The following SOX5 variants were observed in gnomAD, a reference collection of about 807,000 sequenced individuals.
SOX5 encodes SRY-box transcription factor 5.
SOX5 carries 9 observed loss-of-function variants against 92.0 expected under a neutral mutation model. That is an observed-to-expected ratio of 0.10 (90% CI 0.06 to 0.17). SOX5 has a LOEUF of 0.17. Among genes scored for constraint, SOX5 ranks in the 10% least tolerant of loss-of-function variants. The probability of loss-of-function intolerance (pLI) is 1.00; values close to 1 mark genes in which losing one functional copy is unlikely to be tolerated. For synonymous variants in SOX5, 344 were observed against 336.3 expected, an observed-to-expected ratio of 1.02 and a Z score of -0.25; for missense variants, 642 against 944.5, an observed-to-expected ratio of 0.68 and a Z score of 4.20.
At chr12:23,675,106 G>A (rs1164153051) in intron 6 of SOX5, among the ~76,000 whole-genome samples, 1 of 152,164 alleles carries the variant, frequency 6.6e-6, no homozygotes. Context: ...TAAAAAGTAT[G>A]TGATATTCAC....
At chr12:24,523,191 G>A (rs1205107708) in intron 1 of SOX5, among the ~76,000 whole-genome samples, 1 of 152,038 alleles carries the variant, frequency 6.6e-6, no homozygotes, top group African/African-American at 2.4e-5. Context: ...AAATAAGGAG[G>A]TAAAAGACTC....
chr12:24,002,266 C>T (rs562638254), intron 4 of SOX5, among the ~76,000 whole-genome samples: 6 of 151,812 alleles, frequency 4.0e-5, no homozygotes, highest in South Asian at 2.1e-4. Flanking sequence ...ATCAATGAAA[C>T]GTCAGTTGGT....
chr12:24,511,573 G>A lies in SOX5; in HGVS notation c.-251+50756C>T, dbSNP rs553676663. Reference sequence around the variant, plus strand: ...CTAAGCACCTAGCAGGAGCACTTCTGATTCTTATCATAAATTTTAGTGAAT... The same window carrying A: ...CTAAGCACCTAGCAGGAGCACTTCTAATTCTTATCATAAATTTTAGTGAAT... On this transcript the variant is annotated intron_variant, in intron 1 of 4. Coordinates refer to the SOX5 transcript ENST00000446891. Among the ~76,000 whole-genome samples, 10 of 152,270 alleles carry A rather than the reference G, an allele frequency of 6.6e-5. No individual in the cohort carries two copies. The South Asian group carries it at 2.1e-3, about 32-fold the overall frequency.
intron 1 of SOX5, among the ~76,000 whole-genome samples, chr12:24,375,195 G>A (rs1042223194): frequency 1.3e-5 from 2 of 151,312 alleles, no homozygotes; most frequent in East Asian, 2.0e-4. Flanking sequence ...GGATGGTCTC[G>A]ATCACCTGAC....
At chr12:24,081,641 G>T (rs1246321905) in intron 4 of SOX5, among the ~76,000 whole-genome samples, 4 of 151,828 alleles carry the variant, frequency 2.6e-5, no homozygotes, top group Non-Finnish European at 5.9e-5. Context: ...AGAGCCTTTT[G>T]TTTCATGGAA....
intron 5 of SOX5, among the ~76,000 whole-genome samples, chr12:23,738,146 A>C (rs1254797574): frequency 3.3e-5 from 5 of 152,324 alleles, no homozygotes; most frequent in African/African-American, 1.2e-4. Flanking sequence ...TGAATGTGGA[A>C]TGGAGCTCAG....
chr12:23,568,261 AC>A (rs1035892671), intron 10 of SOX5, among the ~76,000 whole-genome samples: 37 of 152,188 alleles, frequency 2.4e-4, no homozygotes, highest in Non-Finnish European at 5.0e-4. Flanking sequence ...GAGGCATGGA[AC>A]AGGTTCTCAT....
chr12:23,968,113 C>T (rs554726671), intron 4 of SOX5, among the ~76,000 whole-genome samples: 6 of 152,270 alleles, frequency 3.9e-5, no homozygotes, highest in East Asian at 1.9e-4. Flanking sequence ...TGCCAGAATG[C>T]GGACTCTACT....
chr12:24,353,954 A>G (rs1045437055), intron 2 of SOX5, among the ~76,000 whole-genome samples: 1 of 152,180 alleles, frequency 6.6e-6, no homozygotes, highest in Non-Finnish European at 1.5e-5. Flanking sequence ...ATTATTCTCA[A>G]CAAACACTTG....
In SOX5 at chr12:24,480,391, G is replaced by A. The variant is rs138157106; in HGVS notation, c.-251+81938C>T. 2.4e-3 allele frequency among the ~76,000 whole-genome samples: 359 copies of A among 152,204 alleles called. 2 individuals are homozygous for A. Among genetic ancestry groups the A allele is most frequent in the African/African-American group, 8.2e-3 (340 of 41,544 alleles). The stretch of plus-strand genomic sequence containing the variant: ...AATACCCCACAAGCAGGCAGCCAAA[G>A]CAAAAAAGAACAAATGAGATCGCAA... On this transcript the variant is annotated intron_variant, in intron 1 of 4. Transcript: ENST00000446891.
At chr12:24,352,310 G>A (rs918783749) in intron 2 of SOX5, among the ~76,000 whole-genome samples, 28 of 152,202 alleles carry the variant, frequency 1.8e-4, no homozygotes, top group African/African-American at 6.3e-4. Context: ...AAAATTTTGG[G>A]AATAGATTAT....
At chr12:23,669,380 G>C (rs924766850) in intron 6 of SOX5, among the ~76,000 whole-genome samples, 1 of 152,038 alleles carries the variant, frequency 6.6e-6, no homozygotes, top group Non-Finnish European at 1.5e-5. Context: ...ATGTGAGGGA[G>C]ACACTACCAG....
At chr12:24,241,052 C>T (rs540553027) in intron 3 of SOX5, among the ~76,000 whole-genome samples, 3 of 151,950 alleles carry the variant, frequency 2.0e-5, no homozygotes, top group Non-Finnish European at 4.4e-5. Context: ...TATGAATTCC[C>T]TCTCTCAGTT....
chr12:24,546,136 G>T (rs909040029), intron 1 of SOX5, among the ~76,000 whole-genome samples: 3 of 152,166 alleles, frequency 2.0e-5, no homozygotes, highest in Non-Finnish European at 4.4e-5. Context: ...ATTAACTAAA[G>T]TAGCAACACA....
intron 2 of SOX5, among the ~76,000 whole-genome samples, chr12:24,323,983 G>T (rs1346794495): frequency 6.6e-6 from 1 of 152,160 alleles, no homozygotes; most frequent in Non-Finnish European, 1.5e-5. Flanking sequence ...AAATGATTAT[G>T]TATAAACAAT....
chr12:24,427,006 T>G (rs1966840096), intron 1 of SOX5, among the ~76,000 whole-genome samples: 1 of 152,230 alleles, frequency 6.6e-6, no homozygotes, highest in African/African-American at 2.4e-5. Context: ...ACTTTTAAAC[T>G]ATTTATTGTT....
At chr12:24,103,812 T>C (rs1424734059) in intron 4 of SOX5, among the ~76,000 whole-genome samples, 1 of 152,098 alleles carries the variant, frequency 6.6e-6, no homozygotes, top group Non-Finnish European at 1.5e-5. Context: ...AAGGAGTACA[T>C]GCAAGATGGA....
chr12:23,743,817 A>T (rs935271540), intron 4 of SOX5, among the ~76,000 whole-genome samples: 4 of 152,190 alleles, frequency 2.6e-5, no homozygotes, highest in Non-Finnish European at 1.5e-5. Context: ...TGGCTGGGAA[A>T]AAAAGTCTGC....
intron 3 of SOX5, among the ~76,000 whole-genome samples, chr12:23,814,457 C>G (rs910305339): frequency 2.6e-5 from 4 of 152,114 alleles, no homozygotes; most frequent in African/African-American, 7.2e-5. Context: ...AGAAGCAGGA[C>G]CCCAATACTG....
Sources: allele counts gnomAD v4.1 joint callset (sites outside exome capture counted in the v4.1 genomes callset), GRCh38; gene constraint gnomAD v4.1.1; transcripts MANE v1.5; gene names NCBI Gene and HGNC (gene_info 2026-07-23, HGNC 2026-07-21).